Variants in PITPNM2 observed in about 807,000 individuals in gnomAD.
The protein encoded by PITPNM2 is membrane-associated phosphatidylinositol transfer protein 2.
Under a neutral mutation model 132.2 loss-of-function variants are expected in PITPNM2, and 35 were observed. The observed-to-expected ratio is 0.26, with a 90% CI of 0.20 to 0.35. The LOEUF (loss-of-function observed/expected upper bound fraction) is 0.35, where lower values mean the gene tolerates loss of function less well. Among genes scored for constraint, PITPNM2 ranks in the 10% least tolerant of loss-of-function variants. The pLI is 1.00. For missense variants in PITPNM2, 1,332 were observed against 1,912.0 expected (o/e 0.70, Z 5.66); for synonymous variants, 738 against 799.2 (o/e 0.92, Z 1.29).
chr12:123,068,280 A>C (rs564101080), intron 2 of PITPNM2, among the ~76,000 whole-genome samples: 12 of 152,224 alleles, frequency 7.9e-5, no homozygotes, highest in Admixed American at 2.6e-4. Flanking sequence ...ATCCTGGCTA[A>C]CACGGTGAAA....
At chr12:123,086,313 C>T (rs1034472020) in intron 2 of PITPNM2, among the ~76,000 whole-genome samples, 2 of 152,196 alleles carry the variant, frequency 1.3e-5, no homozygotes, top group Middle Eastern at 3.2e-3. Flanking sequence ...CTTCAACCCT[C>T]TAAACCTCGG....
At chr12:122,986,872 C>CT in intron 23 of PITPNM2, 43 bp from the exon 24 acceptor site, 1 of 1,543,250 alleles carries the variant, frequency 6.5e-7, no homozygotes, top group Non-Finnish European at 8.8e-7. Context: ...TTCCTCCCTC[C>CT]TGGGCCTCCC....
chr12:123,054,922 G>A (rs1192634297), intron 2 of PITPNM2, among the ~76,000 whole-genome samples: 1 of 152,028 alleles, frequency 6.6e-6, no homozygotes, highest in East Asian at 1.9e-4. Flanking sequence ...AAATTAGCCC[G>A]GCATGGTGGG....
rs1170397011 is a variant in PITPNM2, at chr12:123,128,264, C to CAAAAAAA, written c.-199-17783_-199-17777dup. 7.9e-4 allele frequency among the ~76,000 whole-genome samples: 18 copies of CAAAAAAA among 22,752 alleles called. 7 individuals carry two copies. Among genetic ancestry groups the CAAAAAAA allele is most frequent in the African/African-American group, 1.6e-3 (7 of 4,462 alleles). The allele number at this position is 22,752 out of a possible 152,430, so 14.9% of individuals were successfully genotyped here. A position where few individuals can be genotyped will look rare whatever the true frequency, so the allele number is the denominator to read the frequency against. ...TAAACATGGCGAAACCCCATCTCTA[C>CAAAAAAA]AAAAAAAAAAAAAAAAAAAAAAAAA... On this transcript the variant is annotated intron_variant, in intron 1 of 25. Coordinates refer to ENST00000320201, the MANE Select transcript of PITPNM2 (RefSeq NM_020845.3).
In PITPNM2 at chr12:123,117,753, G is replaced by A. The variant is rs2042958498; in HGVS notation, c.-199-7265C>T. On this transcript the variant is annotated intron_variant, in intron 1 of 25. Transcript: ENST00000320201. This position sits in a 1 kb window ranked among gnomAD's most constrained non-coding sequence, Gnocchi z 4.7. ...CCCTTCATGGATTTGTTCATTCATT[G>A]TTCAATATCTCACTATGACAGACTC... Among the ~76,000 whole-genome samples, 1 of 152,178 alleles carries A rather than the reference G, an allele frequency of 6.6e-6. No homozygotes were observed. The highest frequency in any genetic ancestry group is 2.4e-5 in the African/African-American group (1 of 41,442).
chr12:123,039,437 A>G (rs1156673218), intron 2 of PITPNM2, among the ~76,000 whole-genome samples: 2 of 152,226 alleles, frequency 1.3e-5, no homozygotes, highest in Non-Finnish European at 2.9e-5. Flanking sequence ...AAACCTCAAC[A>G]CTGTACACAA....
At chr12:123,124,148 C>T (rs750999167) in intron 1 of PITPNM2, among the ~76,000 whole-genome samples, 2 of 150,980 alleles carry the variant, frequency 1.3e-5, no homozygotes, top group African/African-American at 2.4e-5. Context: ...CCCAGCTACT[C>T]GGGAGGCTGA....
chr12:123,048,562 G>A (rs2040747137), intron 2 of PITPNM2, among the ~76,000 whole-genome samples: 1 of 152,052 alleles, frequency 6.6e-6, no homozygotes, highest in South Asian at 2.1e-4. Flanking sequence ...ACAGGCGCCC[G>A]CCACCGCGCC....
chr12:123,057,083 TA>T (rs2041054717), intron 2 of PITPNM2, among the ~76,000 whole-genome samples: 1 of 152,028 alleles, frequency 6.6e-6, no homozygotes, highest in East Asian at 1.9e-4. Context: ...AACTTCAGGT[TA>T]AAAATCTAAA....
chr12:123,125,582 C>T (rs370587178), intron 1 of PITPNM2, among the ~76,000 whole-genome samples: 1 of 152,106 alleles, frequency 6.6e-6, no homozygotes, highest in East Asian at 2.0e-4. Flanking sequence ...CTGTGGCTCA[C>T]GCCTGTAATC....
At position 122,992,750 on chromosome 12, in the gene PITPNM2, A is replaced by G; in HGVS notation, c.2234-81T>C. 8.5e-7 allele frequency: 1 copy of G among 1,174,672 alleles called. No homozygotes were observed. The highest frequency in any genetic ancestry group is 1.2e-6 in the Non-Finnish European group (1 of 836,328). The allele number at this position is 1,174,672 out of a possible 1,614,324, so 72.8% of individuals were successfully genotyped here. On this transcript the variant is annotated intron_variant, in intron 15 of 25. Coordinates refer to ENST00000320201, the MANE Select transcript of PITPNM2 (RefSeq NM_020845.3). This position sits in a 1 kb window ranked among gnomAD's most constrained non-coding sequence, Gnocchi z 6.5. ...GGGGTGGGAAATTTGGGAACTGGGC[A>G]CTGGGTTGTCTGCTGAAAGTTAGGG...
rs536055919 is a variant in PITPNM2, at chr12:123,109,818, A to G, written c.-96+567T>C. On this transcript the variant is annotated intron_variant, in intron 2 of 25. Transcript: ENST00000320201. The stretch of plus-strand genomic sequence containing the variant: ...CCGTTGGGGCCTCAAAGGCTGACCC[A>G]AGCAGTTTTTATCCTATTTGGAATC... Among the ~76,000 whole-genome samples the G allele has an allele frequency of 1.4e-3, 220 of 152,332 alleles. 1 individual carries two copies. Among genetic ancestry groups the G allele is most frequent in the Non-Finnish European group, 2.5e-3 (172 of 68,032 alleles).
In PITPNM2 at chr12:122,992,101, G is replaced by C. The variant is rs1204478575; in HGVS notation, c.2404+398C>G. 6.6e-6 allele frequency among the ~76,000 whole-genome samples: 1 copy of C among 152,122 alleles called. No individual in the cohort carries two copies. The highest frequency in any genetic ancestry group is 6.5e-5 in the Admixed American group (1 of 15,274). Reference sequence around the variant, plus strand: ...TCTCCTGCACCCTATCTCGGGGCCAGCCGCCTGCCATGATGGGACCCAGCC... The same window carrying C: ...TCTCCTGCACCCTATCTCGGGGCCACCCGCCTGCCATGATGGGACCCAGCC... On this transcript the variant is annotated intron_variant, in intron 16 of 25. Transcript: ENST00000320201. The surrounding 1 kb of genome is among the most constrained non-coding windows in gnomAD (Gnocchi z 6.5).
chr12:123,059,185 A>G (rs1371317226), intron 2 of PITPNM2, among the ~76,000 whole-genome samples: 1 of 152,206 alleles, frequency 6.6e-6, no homozygotes, highest in African/African-American at 2.4e-5. Flanking sequence ...AGAGAGGAGG[A>G]GCTCACAAGC....
At chr12:123,134,096 C>T (rs112088636) in intron 1 of PITPNM2, among the ~76,000 whole-genome samples, 9 of 152,086 alleles carry the variant, frequency 5.9e-5, no homozygotes, top group East Asian at 1.9e-4. Flanking sequence ...GATCGAGTCT[C>T]GCTCTGTTGC....
chr12:122,986,441 A>G lies in PITPNM2; in HGVS notation c.3721T>C (p.Cys1241Arg). 6.4e-7 allele frequency: 1 copy of G among 1,571,366 alleles called. No homozygotes were observed. The highest frequency in any genetic ancestry group is 8.6e-7 in the Non-Finnish European group (1 of 1,159,072). ...GRPTKKLQQQCQFITDGYAAH... is the reference protein window; with the variant it reads ...GRPTKKLQQQRQFITDGYAAH... The stretch of plus-strand genomic sequence containing the variant: ...CCCACAATGCGCCCACTCACCTGGC[A>G]CTGCTGCTGCAGCTTCTTGGTGGGC... Residue 1241 changes from cysteine to arginine, a missense_variant, in exon 25 of 26, where the codon TGC (cysteine) becomes CGC (arginine). Cys to Arg is a radical substitution (Grantham distance 180). Coordinates refer to ENST00000320201, the MANE Select transcript of PITPNM2 (RefSeq NM_020845.3).
Position 123,009,051 on chromosome 12 carries a change from C to T in PITPNM2, c.643+799G>A, listed in dbSNP as rs143797376. Reference sequence around the variant, plus strand: ...CTCCTGCATAAGTGGAGTGACAATGCCTACCCTCATGGGTTATCGTAAGCT... The same window carrying T: ...CTCCTGCATAAGTGGAGTGACAATGTCTACCCTCATGGGTTATCGTAAGCT... On this transcript the variant is annotated intron_variant, in intron 6 of 25. Transcript: ENST00000320201. The surrounding 1 kb of genome is among the most constrained non-coding windows in gnomAD (Gnocchi z 4.8). Among the ~76,000 whole-genome samples the T allele has an allele frequency of 2.7e-3, 411 of 152,324 alleles. 1 individual carries two copies. The highest frequency in any genetic ancestry group is 1.9e-3 in the South Asian group (9 of 4,828).
At chr12:123,139,479 C>T (rs1469616786) in intron 1 of PITPNM2, among the ~76,000 whole-genome samples, 5 of 149,180 alleles carry the variant, frequency 3.4e-5, no homozygotes, top group African/African-American at 5.0e-5. Flanking sequence ...CCAGCCTGGG[C>T]GACAATGAGA....
At chr12:123,143,210 C>T (rs2043543755) in intron 1 of PITPNM2, among the ~76,000 whole-genome samples, 1 of 151,744 alleles carries the variant, frequency 6.6e-6, no homozygotes, top group Non-Finnish European at 1.5e-5. Context: ...CAAGCTCTCC[C>T]ACTGGCTCAC....
Sources: gnomAD v4.1 joint callset for allele counts (sites outside exome capture counted in the v4.1 genomes callset) on GRCh38, gnomAD v4.1.1 for gene constraint, Gnocchi (gnomAD v3.1) non-coding constraint, MANE v1.5 for transcripts, NCBI Gene and HGNC (gene_info 2026-07-23, HGNC 2026-07-21) for gene names.